COL19A1: variants seen among roughly 807,000 people sequenced by gnomAD.
COL19A1 encodes collagen type XIX alpha 1 chain, also known as collagen alpha-1(XIX) chain.
A neutral mutation model predicts 190.2 loss-of-function variants in COL19A1; 159 were observed. The ratio of observed to expected loss-of-function variants is 0.84; its 90% CI spans 0.73 to 0.95. COL19A1 has a LOEUF of 0.95. Ranked by LOEUF, COL19A1 falls within the 40% of genes least tolerant of loss-of-function variation. The pLI, the probability that COL19A1 is intolerant of heterozygous loss-of-function variation, is 0.00. For synonymous variants in COL19A1, 509 were observed against 458.9 expected (o/e 1.11, Z -1.39); for missense variants, 1,418 against 1,431.9 (o/e 0.99, Z 0.16).
intron 2 of COL19A1, among the ~76,000 whole-genome samples, chr6:69,883,943 C>G (rs531728438): frequency 6.1e-5 from 8 of 131,682 alleles, no homozygotes; most frequent in African/African-American, 2.4e-4. Context: ...AACATACTTT[C>G]AGGGAATAAT....
At chr6:70,183,817 T>C (rs1371034823) in intron 44 of COL19A1, among the ~76,000 whole-genome samples, 1 of 152,332 alleles carries the variant, frequency 6.6e-6, no homozygotes, top group East Asian at 1.9e-4. Context: ...CTTGGGCTTT[T>C]AGAGGAGCAA....
In COL19A1 at chr6:70,156,065, AACCTC is replaced by A. The variant is rs536041527; in HGVS notation, c.2080-57_2080-53del. On this transcript the variant is annotated intron_variant, in intron 31 of 50. Coordinates refer to ENST00000620364, the MANE Select transcript of COL19A1 (RefSeq NM_001858.6). Reference sequence around the variant, plus strand: ...TCCAAAAAAACTTCACATCACATGAAACCTCACCTTTATAGACGGCTTTTATGACT... The same window carrying A: ...TCCAAAAAAACTTCACATCACATGAAACCTTTATAGACGGCTTTTATGACT... 1,038 of 1,471,884 alleles carry A rather than the reference AACCTC, an allele frequency of 7.1e-4. 12 individuals are homozygous for A. In the African/African-American group the frequency reaches 0.013, roughly 18 times the overall value. 91.2% of individuals were successfully genotyped at this position (1,471,884 alleles called of 1,614,324 possible).
chr6:70,128,974 A>G (rs1485166772), intron 17 of COL19A1, among the ~76,000 whole-genome samples: 3 of 152,234 alleles, frequency 2.0e-5, no homozygotes, highest in Non-Finnish European at 4.4e-5. Context: ...CTTGAGAAAG[A>G]CGTTCCCAGA....
At chr6:70,181,645 C>T (rs62421669) in intron 44 of COL19A1, among the ~76,000 whole-genome samples, 4 of 135,732 alleles carry the variant, frequency 2.9e-5, no homozygotes, top group Non-Finnish European at 6.3e-5. Context: ...TATAGGAAAA[C>T]AGATAAAAAC....
intron 14 of COL19A1, among the ~76,000 whole-genome samples, chr6:70,055,781 T>TA (rs55871207): frequency 0.061 from 7,171 of 117,332 alleles, 294 homozygotes; most frequent in Middle Eastern, 0.1. Flanking sequence ...AACTCTGTAT[T>TA]AAAAAAAAAA....
At chr6:70,095,574 T>G (rs1260188664) in intron 15 of COL19A1, among the ~76,000 whole-genome samples, 2 of 152,224 alleles carry the variant, frequency 1.3e-5, no homozygotes, top group African/African-American at 4.8e-5. Context: ...CTTACCACTT[T>G]TAAGTATACA....
At chr6:69,877,760 C>A (rs1768223789) in intron 1 of COL19A1, among the ~76,000 whole-genome samples, 1 of 152,022 alleles carries the variant, frequency 6.6e-6, no homozygotes, top group Non-Finnish European at 1.5e-5. Context: ...GTGGCTCATG[C>A]CTGTAATCCC....
At chr6:70,183,920 C>G (rs976210363) in intron 44 of COL19A1, among the ~76,000 whole-genome samples, 3 of 152,114 alleles carry the variant, frequency 2.0e-5, no homozygotes, top group Non-Finnish European at 4.4e-5. Flanking sequence ...GCTGTTGGGC[C>G]CTGGGTATTT....
At chr6:69,877,779 G>A (rs190271342) in intron 1 of COL19A1, among the ~76,000 whole-genome samples, 19 of 152,222 alleles carry the variant, frequency 1.2e-4, no homozygotes, top group African/African-American at 4.1e-4. Flanking sequence ...CCAGCACTTT[G>A]GGAGGCCAAG....
At chr6:70,118,510 G>A (rs916761825) in intron 16 of COL19A1, among the ~76,000 whole-genome samples, 3 of 152,108 alleles carry the variant, frequency 2.0e-5, no homozygotes, top group Middle Eastern at 3.2e-3. Context: ...CAGGGTAGAC[G>A]GTTGGCTGTA....
chr6:70,097,115 T>A (rs538650936), intron 15 of COL19A1, among the ~76,000 whole-genome samples: 1 of 152,272 alleles, frequency 6.6e-6, no homozygotes, highest in Admixed American at 6.5e-5. Flanking sequence ...TATTCTTCCC[T>A]TTTTAGTACT....
chr6:70,067,565 G>A (rs1209653052), intron 14 of COL19A1, among the ~76,000 whole-genome samples: 1 of 152,070 alleles, frequency 6.6e-6, no homozygotes, highest in East Asian at 1.9e-4. Flanking sequence ...GGGTCTGAAT[G>A]CAGCTCAGAG....
chr6:69,891,797 G>A (rs1561968705), intron 2 of COL19A1, among the ~76,000 whole-genome samples: 1 of 152,308 alleles, frequency 6.6e-6, no homozygotes, highest in East Asian at 1.9e-4. Context: ...CCATGAAACA[G>A]GAAGCTAGGG....
intron 31 of COL19A1, among the ~76,000 whole-genome samples, chr6:70,154,819 C>A (rs761629444): frequency 6.6e-6 from 1 of 152,122 alleles, no homozygotes; most frequent in African/African-American, 2.4e-5. Context: ...TGTTTGAGGG[C>A]AGGAAGCATC....
intron 49 of COL19A1, among the ~76,000 whole-genome samples, chr6:70,206,530 G>A (rs1001986770): frequency 2.6e-5 from 4 of 151,702 alleles, no homozygotes; most frequent in Non-Finnish European, 5.9e-5. Context: ...TACTCAGGAG[G>A]CTGAGGCAGG....
chr6:70,187,945 C>A, intron 46 of COL19A1, 130 bp from the exon 47 acceptor site: 1 of 1,047,060 alleles, frequency 9.6e-7, no homozygotes, highest in Non-Finnish European at 1.4e-6. Context: ...GAGGCTAGGA[C>A]ACAGAGAGTT....
intron 18 of COL19A1, among the ~76,000 whole-genome samples, chr6:70,132,447 T>A (rs1270474913): frequency 6.6e-6 from 1 of 152,064 alleles, no homozygotes; most frequent in African/African-American, 2.4e-5. Flanking sequence ...GCTGGAAGGG[T>A]GAAATCAACT....
At chr6:69,936,528 T>C (rs529736119) in intron 7 of COL19A1, among the ~76,000 whole-genome samples, 5 of 152,294 alleles carry the variant, frequency 3.3e-5, no homozygotes, top group East Asian at 1.9e-4. Flanking sequence ...AGTTACCTAA[T>C]GTAACTTTGT....
intron 2 of COL19A1, among the ~76,000 whole-genome samples, chr6:69,885,440 G>A (rs1019837337): frequency 6.6e-6 from 1 of 152,142 alleles, no homozygotes; most frequent in African/African-American, 2.4e-5. Context: ...GTAGTGAACA[G>A]AATAACACAC....
Sources: allele counts gnomAD v4.1 joint callset (sites outside exome capture counted in the v4.1 genomes callset), GRCh38; gene constraint gnomAD v4.1.1; transcripts MANE v1.5; gene names NCBI Gene and HGNC (gene_info 2026-07-23, HGNC 2026-07-21).